Variants in GIPC1 observed in about 807,000 individuals in gnomAD.
GIPC1 encodes the protein PDZ domain-containing protein GIPC1.
Under a neutral mutation model 28.5 loss-of-function variants are expected in GIPC1, and 15 were observed. That is an observed-to-expected ratio of 0.53 (90% CI 0.35 to 0.81). GIPC1 has a LOEUF of 0.81. Ranked by LOEUF, GIPC1 falls within the 30% of genes least tolerant of loss-of-function variation. GIPC1 has a pLI of 0.01. For missense variants in GIPC1, 439 were observed against 481.9 expected (o/e 0.91, Z 0.83); for synonymous variants, 224 against 206.1 (o/e 1.09, Z -0.74).
chr19:14,481,077 C>T (rs2071718660), intron 4 of GIPC1, among the ~76,000 whole-genome samples: 2 of 152,172 alleles, frequency 1.3e-5, no homozygotes, highest in Admixed American at 6.5e-5. Flanking sequence ...TCCGGCAATC[C>T]TCCCACCTCA....
chr19:14,483,096 C>T (rs1222909579), intron 3 of GIPC1, 90 bp from the exon 4 acceptor site: 11 of 837,976 alleles, frequency 1.3e-5, no homozygotes, highest in Non-Finnish European at 1.8e-5. Context: ...CAAGGAAATA[C>T]TCAGAGAACA....
intron 3 of GIPC1, among the ~76,000 whole-genome samples, chr19:14,483,922 C>T (rs2071784698): frequency 6.6e-6 from 1 of 151,962 alleles, no homozygotes. Context: ...CAGCCTTGAT[C>T]TCCCAGGCTC....
Position 14,478,242 on chromosome 19 carries a change from G to T in GIPC1, c.*174C>A. ...CCCCGGCCAGACTGGGAACCAGGGA[G>T]GGGATGGTACCGATTGGAGCGGGGC... On this transcript the variant is annotated 3_prime_UTR_variant, in exon 9 of 9. Coordinates refer to ENST00000393033, the MANE Select transcript of GIPC1 (RefSeq NM_005716.4). This position sits in a 1 kb window ranked among gnomAD's most constrained non-coding sequence, Gnocchi z 5.2. 3.2e-6 allele frequency: 2 copies of T among 627,126 alleles called. No individual in the cohort carries two copies. Among genetic ancestry groups the T allele is most frequent in the South Asian group, 2.4e-5 (1 of 42,298 alleles). 38.8% of individuals were successfully genotyped at this position (627,126 alleles called of 1,614,324 possible).
chr19:14,478,175 C>T lies in GIPC1; in HGVS notation c.*241G>A, dbSNP rs982512952. On this transcript the variant is annotated 3_prime_UTR_variant, in exon 9 of 9. Coordinates refer to ENST00000393033, the MANE Select transcript of GIPC1 (RefSeq NM_005716.4). The surrounding 1 kb of genome is among the most constrained non-coding windows in gnomAD (Gnocchi z 5.2). ...ATCCCTCCCCTCCCTGTGCCTGACCCAGCTGAGGTAGGTGGGGAACAGGGC... is the reference window on the plus strand; with the variant it reads ...ATCCCTCCCCTCCCTGTGCCTGACCTAGCTGAGGTAGGTGGGGAACAGGGC... 2.1e-6 allele frequency: 1 copy of T among 482,214 alleles called. No homozygotes were observed. The highest frequency in any genetic ancestry group is 3.8e-5 in the South Asian group (1 of 26,442). The allele number at this position is 482,214 out of a possible 1,614,324, so 29.9% of individuals were successfully genotyped here.
At position 14,482,913 on chromosome 19, in the gene GIPC1, G is replaced by A; in HGVS notation, c.64C>T (p.Pro22Ser). ...CCCACGCCCAGCCCTCCACGGCCTG[G>A]CTCAGCCTCCTCATTTTCCACTAGA... The part of the protein sequence containing the change: ...PPLVENEEAE[P>S]GRGGLGVGEP... The change falls in exon 4 of 9, where the codon CCA (proline) becomes TCA (serine). Residue 22 changes from proline to serine, a missense_variant. Pro to Ser is a moderately conservative substitution (Grantham distance 74). Coordinates refer to ENST00000393033, the MANE Select transcript of GIPC1 (RefSeq NM_005716.4). 6.2e-7 allele frequency: 1 copy of A among 1,607,136 alleles called. No individual in the cohort carries two copies. The highest frequency in any genetic ancestry group is 8.5e-7 in the Non-Finnish European group (1 of 1,177,556).
chr19:14,484,262 A>G (rs1471691246), intron 3 of GIPC1, among the ~76,000 whole-genome samples: 2 of 151,496 alleles, frequency 1.3e-5, no homozygotes, highest in Non-Finnish European at 2.9e-5. Context: ...CAGCCTCCCA[A>G]GAAGCTGGGA....
At chr19:14,487,432 C>T (rs2071872935) in intron 3 of GIPC1, among the ~76,000 whole-genome samples, 1 of 149,738 alleles carries the variant, frequency 6.7e-6, no homozygotes, top group African/African-American at 2.5e-5. Flanking sequence ...GACGGAGTTT[C>T]ACTACGTTGG....
intron 3 of GIPC1, among the ~76,000 whole-genome samples, chr19:14,484,127 CTCT>C (rs1014303343): frequency 1.6e-5 from 2 of 126,130 alleles, no homozygotes; most frequent in Non-Finnish European, 1.6e-5. Context: ...GAGACCCTGA[CTCT>C]TTTTTTTTTT....
chr19:14,482,597 T>G, intron 4 of GIPC1, 92 bp downstream of exon 4: 1 of 1,274,768 alleles, frequency 7.8e-7, no homozygotes, highest in South Asian at 1.3e-5. Flanking sequence ...ATCTGCAGCT[T>G]CAGCATCTGA....
At chr19:14,484,129 CTTTTT>C (rs56178535) in intron 3 of GIPC1, among the ~76,000 whole-genome samples, 2 of 108,542 alleles carry the variant, frequency 1.8e-5, no homozygotes. Flanking sequence ...GACCCTGACT[CTTTTT>C]TTTTTTTTTT....
rs543019487 is a variant in GIPC1, at chr19:14,485,279, C to A, written c.-30-2273G>T. On this transcript the variant is annotated intron_variant, in intron 3 of 8. Coordinates refer to ENST00000393033, the MANE Select transcript of GIPC1 (RefSeq NM_005716.4). ...CTCACTGCAGCTTTAACCTCCTGGGCTCAAGCCATCCTCCATTCTCAGCCT... is the reference window on the plus strand; with the variant it reads ...CTCACTGCAGCTTTAACCTCCTGGGATCAAGCCATCCTCCATTCTCAGCCT... Among the ~76,000 whole-genome samples the A allele has an allele frequency of 7.2e-5, 11 of 152,128 alleles. No homozygotes were observed. The East Asian group carries it at 1.4e-3, about 19-fold the overall frequency.
intron 3 of GIPC1, among the ~76,000 whole-genome samples, chr19:14,490,132 G>A (rs1049177972): frequency 1.3e-5 from 2 of 152,182 alleles, no homozygotes; most frequent in Non-Finnish European, 1.5e-5. Context: ...TTGGGAGGCC[G>A]AGGCGGGCGG....
At chr19:14,479,754 C>G (rs1414785185) in intron 6 of GIPC1, 2 of 426,972 alleles carry the variant, frequency 4.7e-6, no homozygotes, top group East Asian at 7.3e-5. Context: ...ATAGGAAATG[C>G]TGGAGGGGAG....
chr19:14,485,018 G>C (rs2071804969), intron 3 of GIPC1, among the ~76,000 whole-genome samples: 1 of 151,818 alleles, frequency 6.6e-6, no homozygotes, highest in Non-Finnish European at 1.5e-5. Flanking sequence ...AAATTAGCTG[G>C]CCGTGGTGGC....
Position 14,485,738 on chromosome 19 carries a change from G to GACAGAC in GIPC1, c.-30-2733_-30-2732insGTCTGT, listed in dbSNP as rs1312985129. On this transcript the variant is annotated intron_variant, in intron 3 of 8. Coordinates refer to ENST00000393033, the MANE Select transcript of GIPC1 (RefSeq NM_005716.4). ...AGAGAGAGAGAGAGAGAGAGAGAGA[G>GACAGAC]AGACAGAGAGAGGGAGAGAGAGAGA... is the stretch of plus-strand genomic sequence containing the variant. Among the ~76,000 whole-genome samples, 223 of 141,632 alleles carry GACAGAC rather than the reference G, an allele frequency of 1.6e-3. 3 individuals carry two copies. The highest frequency in any genetic ancestry group is 5.4e-3 in the African/African-American group (205 of 37,780). The allele number at this position is 141,632 out of a possible 152,430, so 92.9% of individuals were successfully genotyped here.
chr19:14,478,584 C>A lies in GIPC1; in HGVS notation c.851-17G>T. On this transcript the variant is annotated splice_polypyrimidine_tract_variant and intron_variant, in intron 8 of 8. Coordinates refer to ENST00000393033, the MANE Select transcript of GIPC1 (RefSeq NM_005716.4). This position sits in a 1 kb window ranked among gnomAD's most constrained non-coding sequence, Gnocchi z 5.2. ...TGGTGGCCGCTATTGGGGGAGGGGT[C>A]AGAACGGAGGCACAAATGACACCAG... 1 of 1,613,860 alleles carries A rather than the reference C, an allele frequency of 6.2e-7. No homozygotes were observed. The highest frequency in any genetic ancestry group is 8.5e-7 in the Non-Finnish European group (1 of 1,179,904).
rs933643163 is a variant in GIPC1 at position 14,496,046 on chromosome 19, C to T, written c.-184G>A. On this transcript the variant is annotated 5_prime_UTR_variant, in exon 1 of 9. Transcript: ENST00000393033. Reference sequence around the variant, plus strand: ...CGCAGAGGCCACTCACCTGCTCCGCCGCCGCCGCCGCCGCCGCCGCCGCCG... The same window carrying T: ...CGCAGAGGCCACTCACCTGCTCCGCTGCCGCCGCCGCCGCCGCCGCCGCCG... The T allele has an allele frequency of 2.2e-5, 5 of 232,418 alleles. No individual in the cohort carries two copies. The highest frequency in any genetic ancestry group is 2.4e-5 in the Non-Finnish European group (3 of 123,090). 14.4% of individuals were successfully genotyped at this position (232,418 alleles called of 1,614,324 possible). A position where few individuals can be genotyped will look rare whatever the true frequency, so the allele number is the denominator to read the frequency against.
rs143686686 is a variant in GIPC1, at chr19:14,485,462, C to T, written c.-30-2456G>A. On this transcript the variant is annotated intron_variant, in intron 3 of 8. Coordinates refer to ENST00000393033, the MANE Select transcript of GIPC1 (RefSeq NM_005716.4). Reference sequence around the variant, plus strand: ...GGTCAGGAGTTCGAGACCAGCCTGGCCAACATGGTGAAACCACATCTCTAC... The same window carrying T: ...GGTCAGGAGTTCGAGACCAGCCTGGTCAACATGGTGAAACCACATCTCTAC... Among the ~76,000 whole-genome samples, 208 of 151,584 alleles carry T rather than the reference C, an allele frequency of 1.4e-3. 4 individuals are homozygous for T. The East Asian group carries it at 0.036, about 26-fold the overall frequency.
At chr19:14,483,747 TCAATAATAATAATAA>T (rs1301931689) in intron 3 of GIPC1, among the ~76,000 whole-genome samples, 2 of 115,980 alleles carry the variant, frequency 1.7e-5, no homozygotes, top group East Asian at 5.0e-4. Context: ...AGACTCTGTC[TCAATAATAATAATAA>T]TAATAATAAT....
Sources: gnomAD v4.1 joint callset for allele counts (sites outside exome capture counted in the v4.1 genomes callset) on GRCh38, gnomAD v4.1.1 for gene constraint, Gnocchi (gnomAD v3.1) non-coding constraint, MANE v1.5 for transcripts, NCBI Gene and HGNC (gene_info 2026-07-23, HGNC 2026-07-21) for gene names.